ARK2N: variants seen among roughly 807,000 people sequenced by gnomAD.
ARK2N encodes the protein protein ARK2N.
chr18:46,255,172 A>G, the ARK2N span, among the ~76,000 whole-genome samples: 1 of 152,244 alleles, frequency 6.6e-6, no homozygotes, highest in Non-Finnish European at 1.5e-5. Flanking sequence ...CGTTAAGGGT[A>G]TCTTTTTCTA....
the ARK2N span, among the ~76,000 whole-genome samples, chr18:46,184,732 C>T: frequency 2.6e-5 from 4 of 152,020 alleles, no homozygotes; most frequent in Non-Finnish European, 5.9e-5. Context: ...CTAACAACAA[C>T]AACAACAACA....
the ARK2N span, among the ~76,000 whole-genome samples, chr18:46,194,770 G>A: frequency 3.1e-3 from 460 of 149,368 alleles, 6 homozygotes; most frequent in African/African-American, 0.01. Context: ...CACCGCGACC[G>A]GATTCTTGTT....
At chr18:46,240,393 G>C in the ARK2N span, among the ~76,000 whole-genome samples, 1 of 152,190 alleles carries the variant, frequency 6.6e-6, no homozygotes, top group Admixed American at 6.5e-5. Flanking sequence ...GAAGGAAGTA[G>C]AAATAAGAGC....
At chr18:46,187,089 G>A in the ARK2N span, among the ~76,000 whole-genome samples, 1 of 145,400 alleles carries the variant, frequency 6.9e-6, no homozygotes, top group Non-Finnish European at 1.5e-5. Context: ...CCAGACCTCA[G>A]GCGATCCGCC....
chr18:46,192,371 A>T, the ARK2N span, among the ~76,000 whole-genome samples: 2 of 152,082 alleles, frequency 1.3e-5, no homozygotes, highest in Admixed American at 1.3e-4. Context: ...CAGGAGTTCG[A>T]GACCAGCCTG....
the ARK2N span, among the ~76,000 whole-genome samples, chr18:46,227,940 C>T: frequency 6.6e-6 from 1 of 152,004 alleles, no homozygotes; most frequent in Admixed American, 6.6e-5. Flanking sequence ...ATTTTCTGAA[C>T]TTAATTTTGA....
the ARK2N span, among the ~76,000 whole-genome samples, chr18:46,183,426 G>A: frequency 6.6e-6 from 1 of 152,120 alleles, no homozygotes; most frequent in Non-Finnish European, 1.5e-5. Flanking sequence ...GGGATGAGGG[G>A]AATACTTTAT....
At chr18:46,188,464 A>G in the ARK2N span, among the ~76,000 whole-genome samples, 1 of 152,168 alleles carries the variant, frequency 6.6e-6, no homozygotes, top group Admixed American at 6.6e-5. Flanking sequence ...GGCCTCCCAA[A>G]GTGCTGGGAT....
chr18:46,216,257 G>A, the ARK2N span: 42 of 1,613,854 alleles, frequency 2.6e-5, no homozygotes, highest in East Asian at 9.4e-4. This position sits in a 1 kb window ranked among gnomAD's most constrained non-coding sequence, Gnocchi z 4.3. Flanking sequence ...GCGGTAGAAG[G>A]AGACCCTTCA....
At chr18:46,236,526 T>G in the ARK2N span, among the ~76,000 whole-genome samples, 1 of 152,260 alleles carries the variant, frequency 6.6e-6, no homozygotes, top group South Asian at 2.1e-4. Context: ...GAAATTTATG[T>G]TTTAAGATTG....
At chr18:46,246,670 C>T in the ARK2N span, among the ~76,000 whole-genome samples, 15 of 152,298 alleles carry the variant, frequency 9.8e-5, no homozygotes, top group Non-Finnish European at 1.9e-4. Flanking sequence ...AGGCTAGGCG[C>T]GGAGGCTCAC....
At chr18:46,242,295 T>C in the ARK2N span, among the ~76,000 whole-genome samples, 4 of 152,240 alleles carry the variant, frequency 2.6e-5, no homozygotes, top group Non-Finnish European at 5.9e-5. Flanking sequence ...GCAGAATTCT[T>C]AATATTAGAT....
the ARK2N span, among the ~76,000 whole-genome samples, chr18:46,250,298 T>C: frequency 3.3e-5 from 5 of 152,140 alleles, no homozygotes; most frequent in East Asian, 9.7e-4. Flanking sequence ...TGTGAAAAGT[T>C]ATGTGAACTG....
chr18:46,186,757 C>T, the ARK2N span, among the ~76,000 whole-genome samples: 1 of 152,046 alleles, frequency 6.6e-6, no homozygotes, highest in African/African-American at 2.4e-5. Flanking sequence ...ATCCGCCCAC[C>T]TCGGCCTCCC....
At chr18:46,223,073 A>C in the ARK2N span, among the ~76,000 whole-genome samples, 2 of 152,230 alleles carry the variant, frequency 1.3e-5, no homozygotes, top group East Asian at 3.8e-4. Flanking sequence ...TACCATTATC[A>C]GCTTTTAAAT....
the ARK2N span, among the ~76,000 whole-genome samples, chr18:46,245,688 A>G: frequency 1.3e-5 from 2 of 152,000 alleles, no homozygotes; most frequent in African/African-American, 2.4e-5. Context: ...TGCGACTGTC[A>G]TACAGTATGT....
chr18:46,215,718 T>G, the ARK2N span: 1 of 605,524 alleles, frequency 1.7e-6, no homozygotes, highest in Non-Finnish European at 2.9e-6. Flanking sequence ...TGTGTAATAG[T>G]AAGTTTTGCC....
the ARK2N span, chr18:46,174,249 G>C: frequency 7.2e-5 from 11 of 152,504 alleles, no homozygotes; most frequent in African/African-American, 2.6e-4. Flanking sequence ...GCGGGGAAGA[G>C]TCCCGGCCGG....
chr18:46,219,990 C>T, the ARK2N span, among the ~76,000 whole-genome samples: 1 of 152,174 alleles, frequency 6.6e-6, no homozygotes. Flanking sequence ...AACATACTAA[C>T]ATACGTGCAT....
Sources: allele counts gnomAD v4.1 joint callset (sites outside exome capture counted in the v4.1 genomes callset), GRCh38; gene constraint gnomAD v4.1.1; non-coding constraint Gnocchi (gnomAD v3.1); transcripts MANE v1.5; gene names NCBI Gene and HGNC (gene_info 2026-07-23, HGNC 2026-07-21).